BIRC6: variants seen among roughly 807,000 people sequenced by gnomAD.
BIRC6 encodes the protein dual E2 ubiquitin-conjugating enzyme/E3 ubiquitin-protein ligase BIRC6.
In BIRC6, 98 loss-of-function variants were observed where a neutral mutation model predicts 503.3. The observed-to-expected ratio is 0.19, with a 90% confidence interval of 0.17 to 0.23. BIRC6 has a LOEUF of 0.23. BIRC6 is among the 10% of genes least tolerant of loss of function. BIRC6 has a pLI of 1.00. For synonymous variants in BIRC6, 2,240 were observed against 2,078.7 expected, an observed-to-expected ratio of 1.08 and a Z score of -2.11; for missense variants, 5,360 against 5,806.0, an observed-to-expected ratio of 0.92 and a Z score of 2.50.
chr2:32,436,237 A>C lies in BIRC6; in HGVS notation c.3631+53A>C, dbSNP rs917326278. On this transcript the variant is annotated intron_variant, in intron 15 of 73. Transcript: ENST00000421745. ...AATTAATAATACCACAGTTGTAAAA[A>C]AGACGAAAAAAAACTGATCTCAAAA... 6.8e-6 allele frequency: 9 copies of C among 1,317,554 alleles called. No homozygotes were observed. In the African/African-American group the frequency reaches 1.4e-4, roughly 20 times the overall value. The allele number at this position is 1,317,554 out of a possible 1,614,324, so 81.6% of individuals were successfully genotyped here.
chr2:32,398,011 A>C lies in BIRC6; in HGVS notation c.1034+2418A>C, dbSNP rs539822209. On this transcript the variant is annotated intron_variant, in intron 6 of 73. Transcript: ENST00000421745. ...GGGGCAAGTCTTCCAAATGGGTAGG[A>C]GGGAAGAGGATTGATGGAGGCTGGG... Among the ~76,000 whole-genome samples the C allele has an allele frequency of 2.0e-5, 3 of 152,104 alleles. No homozygotes were observed. The East Asian group carries it at 5.8e-4, about 29-fold the overall frequency.
At chr2:32,391,079 G>C (rs973379955) in intron 4 of BIRC6, among the ~76,000 whole-genome samples, 1 of 152,152 alleles carries the variant, frequency 6.6e-6, no homozygotes, top group South Asian at 2.1e-4. Flanking sequence ...TGAGATCTAT[G>C]CCTATTTTGA....
chr2:32,399,028 A>G (rs1412736470), intron 6 of BIRC6, among the ~76,000 whole-genome samples: 2 of 152,176 alleles, frequency 1.3e-5, no homozygotes, highest in Non-Finnish European at 1.5e-5. Flanking sequence ...GAAATAAAAC[A>G]ATGAGTTTAA....
At position 32,364,758 on chromosome 2, in the gene BIRC6, G is replaced by GTT. The variant is rs368564629; in HGVS notation, c.325+7287_325+7288dup. On this transcript the variant is annotated intron_variant, in intron 1 of 73. Transcript: ENST00000421745. ...AGCTTCAGTGAGGTTTAGATCGGGT[G>GTT]TTTTTTTTTTTTTTTTCTTTCCTGA... is the stretch of plus-strand genomic sequence containing the variant. Among the ~76,000 whole-genome samples the GTT allele has an allele frequency of 3.0e-4, 40 of 135,036 alleles. 1 individual carries two copies. The highest frequency in any genetic ancestry group is 3.0e-4 in the Admixed American group (4 of 13,448). 88.6% of individuals were successfully genotyped at this position (135,036 alleles called of 152,430 possible).
chr2:32,537,102 C>T (rs1410938667), intron 61 of BIRC6, among the ~76,000 whole-genome samples: 1 of 152,266 alleles, frequency 6.6e-6, no homozygotes, highest in South Asian at 2.1e-4. Flanking sequence ...GATTTTTACA[C>T]ATTGATTTTG....
At position 32,469,430 on chromosome 2, in the gene BIRC6, C is replaced by T; in HGVS notation, c.6163C>T (p.His2055Tyr). 1 of 1,613,848 alleles carries T rather than the reference C, an allele frequency of 6.2e-7. No individual in the cohort carries two copies. The highest frequency in any genetic ancestry group is 8.5e-7 in the Non-Finnish European group (1 of 1,179,798). Reference protein sequence around the residue: ...SVPAVLQSTFHAQACEELFKH... With the variant: ...SVPAVLQSTFYAQACEELFKH... The stretch of plus-strand genomic sequence containing the variant: ...TCCTGCAGTTTTGCAGAGCACATTT[C>T]ATGCCCAGGCCTGTGAAGAGCTCTT... Residue 2055 changes from histidine to tyrosine, a missense_variant, in exon 30 of 74, where the codon CAT becomes TAT. His to Tyr is a moderately conservative substitution (Grantham distance 83). Coordinates refer to ENST00000421745, the MANE Select transcript of BIRC6 (RefSeq NM_016252.4).
intron 14 of BIRC6, 90 bp downstream of exon 14, chr2:32,435,675 C>A: frequency 7.4e-7 from 1 of 1,355,350 alleles, no homozygotes. Context: ...TTATGGCTTG[C>A]AAAAACTTGG....
At position 32,415,037 on chromosome 2, in the gene BIRC6, C is replaced by T; in HGVS notation, c.1746C>T (p.Pro582=). 1 of 1,613,862 alleles carries T rather than the reference C, an allele frequency of 6.2e-7. No homozygotes were observed. Among genetic ancestry groups the T allele is most frequent in the South Asian group, 1.1e-5 (1 of 91,018 alleles). Residue 582 remains proline, a synonymous_variant, in exon 10 of 74, where the codon CCC becomes CCT. Transcript: ENST00000421745. ...LLTYKSPATS[P]ISSNSHRSLD... Reference sequence around the variant, plus strand: ...CATATAAATCTCCTGCTACCTCACCCATTAGTAGTAATTCTCACAGGTCAC... The same window carrying T: ...CATATAAATCTCCTGCTACCTCACCTATTAGTAGTAATTCTCACAGGTCAC...
At position 32,488,639 on chromosome 2, in the gene BIRC6, A is replaced by G; in HGVS notation, c.8020A>G (p.Thr2674Ala). The change falls in exon 42 of 74, where the codon ACT becomes GCT. Residue 2674 changes from threonine to alanine, a missense_variant. Thr to Ala is a moderately conservative substitution (Grantham distance 58). This residue lies in a region of BIRC6 where 2,299 missense variants were observed against 2,267.2 expected (regional missense o/e 1.01). Transcript: ENST00000421745. ...WLTLSLNSSS[T>A]GNKENGADIF... ...CACACTGAGCCTGAATTCTAGTTCA[A>G]CTGGAAACAAAGAAAATGGAGCAGA... is the stretch of plus-strand genomic sequence containing the variant. 6.6e-7 allele frequency: 1 copy of G among 1,521,742 alleles called. No homozygotes were observed. Among genetic ancestry groups the G allele is most frequent in the Non-Finnish European group, 8.9e-7 (1 of 1,125,016 alleles). The allele number at this position is 1,521,742 out of a possible 1,614,324, so 94.3% of individuals were successfully genotyped here. A position where few individuals can be genotyped will look rare whatever the true frequency, so the allele number is the denominator to read the frequency against.
rs202101401 is a variant in BIRC6 at position 32,499,659 on chromosome 2, G to C, written c.8581G>C (p.Glu2861Gln). The C allele has an allele frequency of 5.6e-6, 9 of 1,613,846 alleles. No homozygotes were observed. In the African/African-American group the frequency reaches 1.2e-4, roughly 22 times the overall value. The change falls in exon 46 of 74, where the codon GAA becomes CAA. Residue 2861 changes from glutamate to glutamine, a missense_variant. Around this residue, in one of 16 missense-constraint regions of BIRC6, gnomAD observed 2,299 missense variants for 2,267.2 expected, o/e 1.01. Coordinates refer to ENST00000421745, the MANE Select transcript of BIRC6 (RefSeq NM_016252.4). ...VSVSTISAVI[E>Q]SVTFLVHHYI... ...AGTTAGTACTATTTCTGCCGTGATA[G>C]AATCGGTTACATTTTTAGTGCACCA... is the stretch of plus-strand genomic sequence containing the variant.
At chr2:32,601,998 T>A in intron 70 of BIRC6, among the ~76,000 whole-genome samples, 1 of 152,126 alleles carries the variant, frequency 6.6e-6, no homozygotes, top group South Asian at 2.1e-4. Context: ...TAGAAAGAAA[T>A]ACACAAAAAT....
At chr2:32,591,823 G>A (rs746791973) in intron 66 of BIRC6, among the ~76,000 whole-genome samples, 1 of 152,156 alleles carries the variant, frequency 6.6e-6, no homozygotes, top group Non-Finnish European at 1.5e-5. Context: ...CCTGGTAATA[G>A]AGAATCATTT....
chr2:32,530,457 C>T (rs2056642478), intron 60 of BIRC6, among the ~76,000 whole-genome samples: 1 of 152,122 alleles, frequency 6.6e-6, no homozygotes, highest in South Asian at 2.1e-4. Context: ...CTTATCTGCC[C>T]GCTTCGGCCT....
At chr2:32,491,677 A>G (rs112257176) in intron 44 of BIRC6, 119 bp downstream of exon 44, 12 of 1,096,722 alleles carry the variant, frequency 1.1e-5, no homozygotes, top group African/African-American at 9.6e-5. Flanking sequence ...ATGTATCAAT[A>G]TAATAAAAAA....
chr2:32,415,538 G>C lies in BIRC6; in HGVS notation c.2247G>C (p.Leu749=). 1 of 1,614,002 alleles carries C rather than the reference G, an allele frequency of 6.2e-7. No homozygotes were observed. Among genetic ancestry groups the C allele is most frequent in the Middle Eastern group, 1.6e-4 (1 of 6,062 alleles). ...ACGGAATTCATTTGTTGGTAGGACT[G>C]CGGACATGCCCTGTTGAATCCTTGA... is the stretch of plus-strand genomic sequence containing the variant. The part of the protein sequence containing the change: ...CADGIHLLVG[L]RTCPVESLSA... The change falls in exon 10 of 74, where the codon CTG becomes CTC. Residue 749 remains leucine (L), a synonymous_variant. Coordinates refer to ENST00000421745, the MANE Select transcript of BIRC6 (RefSeq NM_016252.4).
intron 73 of BIRC6, among the ~76,000 whole-genome samples, chr2:32,616,676 C>G (rs935621021): frequency 6.6e-6 from 1 of 151,824 alleles, no homozygotes; most frequent in Non-Finnish European, 1.5e-5. Context: ...ATATGGCCTA[C>G]TACCTGATAA....
intron 61 of BIRC6, among the ~76,000 whole-genome samples, chr2:32,539,940 A>T (rs1259082014): frequency 6.6e-6 from 1 of 152,114 alleles, no homozygotes; most frequent in Non-Finnish European, 1.5e-5. Context: ...CACAAATTGG[A>T]CATCCACAAA....
intron 3 of BIRC6, 139 bp from the exon 4 acceptor site, chr2:32,388,611 T>G (rs1339838733): frequency 1.6e-6 from 1 of 632,330 alleles, no homozygotes; most frequent in Non-Finnish European, 2.5e-6. Flanking sequence ...AACTGCAAGT[T>G]TCTGTTTTAA....
intron 73 of BIRC6, among the ~76,000 whole-genome samples, chr2:32,614,434 A>G (rs1285130442): frequency 2.0e-5 from 3 of 152,174 alleles, no homozygotes. Flanking sequence ...GCATTCCTTT[A>G]TTTCTTCTGT....
Sources: gnomAD v4.1 joint callset for allele counts (sites outside exome capture counted in the v4.1 genomes callset) on GRCh38, gnomAD v4.1.1 for gene constraint, gnomAD v4.1.1 regional missense constraint, MANE v1.5 for transcripts, NCBI Gene and HGNC (gene_info 2026-07-23, HGNC 2026-07-21) for gene names.